XG: variants seen among roughly 807,000 people sequenced by gnomAD.
The protein encoded by XG is Xg glycoprotein (Xg blood group).
Under a neutral mutation model 25.7 loss-of-function variants are expected in XG, and 24 were observed. That is an observed-to-expected ratio of 0.93 (90% CI 0.68 to 1.31). The LOEUF (loss-of-function observed/expected upper bound fraction) is 1.31. Ranked by LOEUF, XG falls within the 40% of genes most tolerant of loss-of-function variation. XG has a pLI of 0.00. For missense variants in XG, 181 were observed against 187.6 expected, an observed-to-expected ratio of 0.96 and a Z score of 0.21; for synonymous variants, 77 against 69.2, an observed-to-expected ratio of 1.11 and a Z score of -0.56.
intron 1 of XG, among the ~76,000 whole-genome samples, chrX:2,769,725 C>G (rs918127473): frequency 1.3e-5 from 2 of 152,194 alleles, no homozygotes; most frequent in African/African-American, 4.8e-5. Context: ...TGAATGTTCT[C>G]TTCTCTCTGC....
At chrX:2,778,580 G>A (rs762097003) in intron 3 of XG, among the ~76,000 whole-genome samples, 2 of 152,096 alleles carry the variant, frequency 1.3e-5, no homozygotes, top group African/African-American at 2.4e-5. Flanking sequence ...AATGAAAACC[G>A]TAGCTCAGAG....
intron 7 of XG, among the ~76,000 whole-genome samples, chrX:2,801,678 T>C (rs1340737894): frequency 1.8e-5 from 2 of 111,803 alleles, no homozygotes; most frequent in Non-Finnish European, 3.8e-5. Flanking sequence ...CCTAGCTGGC[T>C]TGTCTATGTC....
rs1603457937 is a variant in XG at position 2,805,809 on chromosome X, C to T, written c.374-892C>T. On this transcript the variant is annotated intron_variant, in intron 7 of 10. Transcript: ENST00000644266. ...TAGTGATCTCGTTTTATTTTAATCA[C>T]CTCTCTAAGGACGTTGTGTTCAAAT... is the stretch of plus-strand genomic sequence containing the variant. Among the ~76,000 whole-genome samples the T allele has an allele frequency of 3.6e-5, 4 of 111,373 alleles. No individual in the cohort carries two copies. The Admixed American group carries it at 3.8e-4, about 11-fold the overall frequency.
chrX:2,768,124 A>G (rs28620378), intron 1 of XG, among the ~76,000 whole-genome samples: 17,107 of 152,006 alleles, frequency 0.11, 1,103 homozygotes, highest in African/African-American at 0.18. Context: ...GAGAGGAGGG[A>G]CTGGGAGGGG....
intron 4 of XG, among the ~76,000 whole-genome samples, chrX:2,789,153 C>T: frequency 9.0e-6 from 1 of 110,826 alleles, no homozygotes. Context: ...ATTGTTTGAG[C>T]CTAGGAACTC....
At chrX:2,789,019 A>G (rs5939117) in intron 4 of XG, among the ~76,000 whole-genome samples, 57,944 of 110,045 alleles carry the variant, frequency 0.53, 12,907 homozygotes, top group Non-Finnish European at 0.71. Context: ...TTGCTTAAGA[A>G]CAGGAATTTG....
chrX:2,814,110 G>C (rs1379550887), intron 10 of XG, among the ~76,000 whole-genome samples: 1 of 110,174 alleles, frequency 9.1e-6, no homozygotes, highest in Non-Finnish European at 1.9e-5. Context: ...GTCTGATCTT[G>C]GTTTTCTTTT....
chrX:2,778,479 C>T (rs2051048979), intron 3 of XG, among the ~76,000 whole-genome samples: 1 of 151,972 alleles, frequency 6.6e-6, no homozygotes. Context: ...CAGGCTGAGG[C>T]TGCAGTGAGC....
chrX:2,765,658 A>G (rs780040305), intron 1 of XG, among the ~76,000 whole-genome samples: 1 of 152,238 alleles, frequency 6.6e-6, no homozygotes, highest in South Asian at 2.1e-4. Context: ...GCCTGCTGGG[A>G]GCTGATTTTC....
At chrX:2,809,353 G>A (rs2087033334) in intron 9 of XG, among the ~76,000 whole-genome samples, 3 of 111,559 alleles carry the variant, frequency 2.7e-5, no homozygotes, top group Non-Finnish European at 5.6e-5. Context: ...TTGATATGTA[G>A]GTGAAGAATG....
intron 3 of XG, 109 bp downstream of exon 3, chrX:2,774,848 G>A: frequency 7.2e-7 from 1 of 1,388,870 alleles, no homozygotes; most frequent in Non-Finnish European, 1.0e-6. Context: ...TGAAAGAGAT[G>A]CAACAACTGT....
chrX:2,766,504 G>A lies in XG; in HGVS notation c.62-4046G>A, dbSNP rs754455831. The stretch of plus-strand genomic sequence containing the variant: ...ATGGGGCTGGGAGCTTCTCTGGGAT[G>A]GGGGGTCTTAGGACGCCCAAACAAG... On this transcript the variant is annotated intron_variant, in intron 1 of 10. Coordinates refer to ENST00000644266, the MANE Select transcript of XG (RefSeq NM_001141919.2). 4.3e-4 allele frequency among the ~76,000 whole-genome samples: 9 copies of A among 20,836 alleles called. No individual in the cohort carries two copies. In the South Asian group the frequency reaches 0.011, roughly 26 times the overall value. The allele number at this position is 20,836 out of a possible 152,430, so 13.7% of individuals were successfully genotyped here. A position where few individuals can be genotyped will look rare whatever the true frequency, so the allele number is the denominator to read the frequency against.
intron 1 of XG, among the ~76,000 whole-genome samples, chrX:2,761,119 A>C (rs1016444067): frequency 2.0e-5 from 3 of 152,158 alleles, no homozygotes; most frequent in Non-Finnish European, 4.4e-5. Context: ...TATATATTGA[A>C]GGCCTAATCC....
intron 7 of XG, among the ~76,000 whole-genome samples, chrX:2,798,068 G>C (rs1187356388): frequency 9.0e-6 from 1 of 110,910 alleles, no homozygotes; most frequent in Non-Finnish European, 1.9e-5. Flanking sequence ...GAAAAGAAAA[G>C]AAAAGAAAAA....
intron 3 of XG, among the ~76,000 whole-genome samples, chrX:2,776,265 G>A (rs1202618326): frequency 6.6e-6 from 1 of 152,136 alleles, no homozygotes; most frequent in Non-Finnish European, 1.5e-5. Context: ...GGAGGGCTGG[G>A]GGTCTAGTGA....
chrX:2,771,473 C>A (rs1327928099), intron 2 of XG, among the ~76,000 whole-genome samples: 1 of 152,280 alleles, frequency 6.6e-6, no homozygotes. Context: ...TCTGGCTGAC[C>A]AGAATGCTGA....
intron 1 of XG, among the ~76,000 whole-genome samples, chrX:2,761,335 A>G (rs2050560722): frequency 6.6e-6 from 1 of 152,144 alleles, no homozygotes; most frequent in African/African-American, 2.4e-5. Context: ...GAGAGGCCTC[A>G]GGAGGAACCA....
chrX:2,764,353 C>T (rs1444695906), intron 1 of XG, among the ~76,000 whole-genome samples: 5 of 152,190 alleles, frequency 3.3e-5, no homozygotes, highest in African/African-American at 9.7e-5. Flanking sequence ...AACTTGCTTT[C>T]ATTTTATGGA....
intron 3 of XG, among the ~76,000 whole-genome samples, chrX:2,780,236 GCGACTAAAAGA>G (rs1170849384): frequency 2.0e-5 from 3 of 151,954 alleles, no homozygotes; most frequent in Non-Finnish European, 4.4e-5. Context: ...AGACTATGAG[GCGACTAAAAGA>G]AGAGGGATAT....
Sources: allele counts gnomAD v4.1 joint callset (sites outside exome capture counted in the v4.1 genomes callset), GRCh38; gene constraint gnomAD v4.1.1; transcripts MANE v1.5; gene names NCBI Gene and HGNC (gene_info 2026-07-23, HGNC 2026-07-21).